The following DMD variants were observed in gnomAD, a reference collection of about 807,000 sequenced individuals.
The protein encoded by DMD is mutant dystrophin.
DMD carries 63 observed loss-of-function variants against 330.1 expected under a neutral mutation model. The ratio of observed to expected loss-of-function variants is 0.19; its 90% CI spans 0.16 to 0.24. The LOEUF is 0.24. Ranked by LOEUF, DMD falls within the 10% of genes least tolerant of loss-of-function variation. The pLI, the probability that DMD is intolerant of heterozygous loss-of-function variation, is 1.00. For missense variants in DMD, 3,344 were observed against 2,684.1 expected, an observed-to-expected ratio of 1.25 and a Z score of -5.43; for synonymous variants, 1,223 against 959.8, an observed-to-expected ratio of 1.27 and a Z score of -5.07.
chrX:32,947,753 C>T (rs1287407580), intron 2 of DMD, among the ~76,000 whole-genome samples: 2 of 111,004 alleles, frequency 1.8e-5, no homozygotes, highest in Admixed American at 9.7e-5. Context: ...TATATTATAA[C>T]TCTAACAATG....
At chrX:33,291,978 T>A (rs1407498012) in intron 1 of DMD, among the ~76,000 whole-genome samples, 1 of 111,867 alleles carries the variant, frequency 8.9e-6, no homozygotes, top group East Asian at 2.8e-4. Context: ...ATTGTCCACA[T>A]TATCTCAAGC....
intron 48 of DMD, among the ~76,000 whole-genome samples, chrX:31,850,851 T>A (rs1226139591): frequency 8.9e-6 from 1 of 112,632 alleles, no homozygotes; most frequent in Non-Finnish European, 1.9e-5. Flanking sequence ...ACAAACAATA[T>A]GTGATTTCTG....
At chrX:31,321,663 C>T (rs7065753) in intron 62 of DMD, among the ~76,000 whole-genome samples, 6,667 of 104,553 alleles carry the variant, frequency 0.064, 607 homozygotes, top group African/African-American at 0.23. Flanking sequence ...GCCATACAGT[C>T]GCCTAATGAC....
At chrX:33,005,443 G>A (rs748776695) in intron 2 of DMD, among the ~76,000 whole-genome samples, 138 of 108,656 alleles carry the variant, frequency 1.3e-3, no homozygotes, top group Non-Finnish European at 2.3e-3. Context: ...TGTAATTTGA[G>A]GAATGACTTC....
At chrX:32,564,741 C>A (rs1021747194) in intron 16 of DMD, among the ~76,000 whole-genome samples, 1 of 111,411 alleles carries the variant, frequency 9.0e-6, no homozygotes, top group African/African-American at 3.3e-5. Flanking sequence ...AAATTGTATT[C>A]CTGGAGGCAA....
chrX:31,181,566 C>A (rs780176789), intron 68 of DMD, among the ~76,000 whole-genome samples: 7 of 111,444 alleles, frequency 6.3e-5, no homozygotes, highest in African/African-American at 2.3e-4. Flanking sequence ...ATCATTTTTA[C>A]CTGCCAAGAA....
chrX:32,851,468 G>A (rs1045283873), intron 2 of DMD, among the ~76,000 whole-genome samples: 12 of 112,344 alleles, frequency 1.1e-4, no homozygotes, highest in African/African-American at 3.9e-4. Flanking sequence ...TTACTAGGAG[G>A]GAGGCAGAAC....
At chrX:31,748,140 T>C (rs748413843) in intron 51 of DMD, among the ~76,000 whole-genome samples, 3 of 112,021 alleles carry the variant, frequency 2.7e-5, no homozygotes, top group Non-Finnish European at 5.6e-5. Context: ...TCTGTCTTAA[T>C]TTTACAAGTT....
rs1354776830 is a variant in DMD at position 32,558,788 on chromosome X, T to C, written c.1992+6914A>G. Among the ~76,000 whole-genome samples the C allele has an allele frequency of 2.7e-5, 3 of 111,132 alleles. No homozygotes were observed. In the Admixed American group the frequency reaches 2.9e-4, roughly 11 times the overall value. Reference sequence around the variant, plus strand: ...TGAATGTATTAAATTTTTTAGTGCTTACATTTTATATTGTTACAGACAATG... The same window carrying C: ...TGAATGTATTAAATTTTTTAGTGCTCACATTTTATATTGTTACAGACAATG... On this transcript the variant is annotated intron_variant, in intron 16 of 78. Coordinates refer to ENST00000357033, the MANE Select transcript of DMD (RefSeq NM_004006.3).
At chrX:32,365,249 AT>A in intron 34 of DMD, 50 bp from the exon 35 acceptor site, 1 of 1,157,710 alleles carries the variant, frequency 8.6e-7, no homozygotes. Flanking sequence ...TAGTCTTAAG[AT>A]TTAATGCTTA....
At chrX:31,609,647 T>C (rs917419985) in intron 55 of DMD, among the ~76,000 whole-genome samples, 1 of 111,797 alleles carries the variant, frequency 8.9e-6, no homozygotes, top group East Asian at 2.8e-4. Context: ...AAAAGAAGAG[T>C]GTGCTTAAAA....
intron 49 of DMD, among the ~76,000 whole-genome samples, chrX:31,832,875 C>T (rs1372621977): frequency 9.0e-6 from 1 of 111,707 alleles, no homozygotes; most frequent in Non-Finnish European, 1.9e-5. Context: ...TGTAGTTTTC[C>T]AACTTAAGTT....
chrX:31,203,077 T>C (rs1032516762), intron 67 of DMD, among the ~76,000 whole-genome samples: 4 of 108,371 alleles, frequency 3.7e-5, no homozygotes, highest in Non-Finnish European at 5.7e-5. Context: ...AGGTCAGGAG[T>C]TTGAGACCAG....
At chrX:33,277,360 C>T (rs2053251197) in intron 1 of DMD, among the ~76,000 whole-genome samples, 1 of 111,410 alleles carries the variant, frequency 9.0e-6, no homozygotes. Context: ...TGGTTGCACA[C>T]CATCGTGAAT....
chrX:32,754,012 T>C (rs2071164832), intron 7 of DMD, among the ~76,000 whole-genome samples: 1 of 111,035 alleles, frequency 9.0e-6, no homozygotes, highest in African/African-American at 3.3e-5. Flanking sequence ...CCCACCCAGA[T>C]TTGTGCCATC....
chrX:32,196,803 G>A, intron 44 of DMD, among the ~76,000 whole-genome samples: 1 of 109,116 alleles, frequency 9.2e-6, no homozygotes, highest in Middle Eastern at 4.8e-3. Context: ...GGCTAACACG[G>A]TGAAACCCCG....
intron 2 of DMD, among the ~76,000 whole-genome samples, chrX:32,996,992 A>G (rs1185832647): frequency 9.0e-6 from 1 of 111,301 alleles, no homozygotes; most frequent in Non-Finnish European, 1.9e-5. Flanking sequence ...GCATATGTAT[A>G]TTTGCCTTTT....
chrX:31,567,598 G>A (rs922980014), intron 55 of DMD, among the ~76,000 whole-genome samples: 2 of 111,092 alleles, frequency 1.8e-5, no homozygotes, highest in African/African-American at 6.5e-5. Flanking sequence ...AAACTTTGAC[G>A]CATGTTATTT....
chrX:32,183,032 G>T (rs982133762), intron 44 of DMD, among the ~76,000 whole-genome samples: 1 of 111,087 alleles, frequency 9.0e-6, no homozygotes, highest in East Asian at 2.8e-4. Context: ...GGATCATTTT[G>T]CAGAAAAAAA....
Sources: gnomAD v4.1 joint callset for allele counts (sites outside exome capture counted in the v4.1 genomes callset) on GRCh38, gnomAD v4.1.1 for gene constraint, MANE v1.5 for transcripts, NCBI Gene and HGNC (gene_info 2026-07-23, HGNC 2026-07-21) for gene names.